Variants in DPP10 observed in about 807,000 individuals in gnomAD.
DPP10 encodes the protein inactive dipeptidyl peptidase 10.
A neutral mutation model predicts 120.9 loss-of-function variants in DPP10; 33 were observed. The ratio of observed to expected loss-of-function variants is 0.27; its 90% CI spans 0.21 to 0.37. The LOEUF (loss-of-function observed/expected upper bound fraction) is 0.37. DPP10 is among the 10% of genes least tolerant of loss of function. The pLI, the probability that DPP10 is intolerant of heterozygous loss-of-function variation, is 1.00. For missense variants in DPP10, 816 were observed against 942.8 expected (o/e 0.87, Z 1.76); for synonymous variants, 337 against 326.1 (o/e 1.03, Z -0.36).
intron 1 of DPP10, among the ~76,000 whole-genome samples, chr2:114,800,763 T>C (rs908755352): frequency 1.3e-5 from 2 of 152,182 alleles, no homozygotes; most frequent in African/African-American, 2.4e-5. Context: ...CAGGTAGTTA[T>C]AGAAACCATC....
intron 1 of DPP10, among the ~76,000 whole-genome samples, chr2:114,638,942 T>A (rs1695501793): frequency 6.6e-6 from 1 of 151,806 alleles, no homozygotes. Context: ...TACCATGGAA[T>A]ACTACACAGC....
intron 21 of DPP10, among the ~76,000 whole-genome samples, chr2:115,828,259 C>T (rs1178026455): frequency 2.0e-5 from 3 of 151,848 alleles, no homozygotes; most frequent in Non-Finnish European, 2.9e-5. Context: ...CTTTTTTCCT[C>T]TGTATACAAC....
chr2:115,240,632 G>A (rs911569817), intron 1 of DPP10, among the ~76,000 whole-genome samples: 11 of 152,032 alleles, frequency 7.2e-5, no homozygotes, highest in Non-Finnish European at 8.8e-5. Flanking sequence ...GCTCTTTAGC[G>A]TCAGCATGAC....
intron 5 of DPP10, among the ~76,000 whole-genome samples, chr2:115,657,586 G>C (rs951639481): frequency 6.6e-6 from 1 of 151,424 alleles, no homozygotes; most frequent in African/African-American, 2.4e-5. Context: ...TTCTTCTAAT[G>C]CTCAACCACC....
intron 1 of DPP10, among the ~76,000 whole-genome samples, chr2:115,059,045 T>C (rs1706178057): frequency 6.6e-6 from 1 of 152,138 alleles, no homozygotes; most frequent in Non-Finnish European, 1.5e-5. Context: ...CGTGTCTATC[T>C]TGGTAATCCT....
intron 1 of DPP10, among the ~76,000 whole-genome samples, chr2:114,905,006 T>G (rs527266800): frequency 1.3e-5 from 2 of 152,184 alleles, no homozygotes; most frequent in South Asian, 2.1e-4. Context: ...GGTTTCTATT[T>G]CTAGATATTT....
chr2:115,025,906 GT>G (rs1198730808), intron 1 of DPP10, among the ~76,000 whole-genome samples: 2 of 151,844 alleles, frequency 1.3e-5, no homozygotes, highest in African/African-American at 4.8e-5. Context: ...AGCTCCTTGT[GT>G]GTTCTGGTTA....
intron 1 of DPP10, among the ~76,000 whole-genome samples, chr2:114,987,842 C>A (rs1475188029): frequency 1.1e-5 from 1 of 92,350 alleles, no homozygotes; most frequent in Non-Finnish European, 2.0e-5. Context: ...CTCGCTCTGT[C>A]GCCCAGGCTG....
chr2:115,143,224 A>G (rs544559336), intron 1 of DPP10, among the ~76,000 whole-genome samples: 1 of 152,284 alleles, frequency 6.6e-6, no homozygotes, highest in South Asian at 2.1e-4. Flanking sequence ...CCCTCGATAA[A>G]GGTCAGAAAC....
At chr2:115,507,446 G>T (rs1044931326) in intron 4 of DPP10, among the ~76,000 whole-genome samples, 2 of 152,160 alleles carry the variant, frequency 1.3e-5, no homozygotes, top group Non-Finnish European at 2.9e-5. Context: ...ATAACATAGG[G>T]TGAGGTCTAG....
At chr2:114,898,067 T>C (rs975436584) in intron 1 of DPP10, among the ~76,000 whole-genome samples, 5 of 152,186 alleles carry the variant, frequency 3.3e-5, no homozygotes, top group Non-Finnish European at 7.3e-5. Context: ...ATTGAGGCAC[T>C]ATTCACAATA....
At chr2:114,829,983 G>T (rs1686942029) in intron 1 of DPP10, among the ~76,000 whole-genome samples, 1 of 151,920 alleles carries the variant, frequency 6.6e-6, no homozygotes, top group Non-Finnish European at 1.5e-5. Context: ...TTTCCTCTAA[G>T]CTCTGCTGCC....
intron 5 of DPP10, among the ~76,000 whole-genome samples, chr2:115,584,991 C>A (rs1166377876): frequency 6.6e-6 from 1 of 152,292 alleles, no homozygotes; most frequent in East Asian, 1.9e-4. Flanking sequence ...AAAACACATA[C>A]CCATTAATTT....
intron 1 of DPP10, among the ~76,000 whole-genome samples, chr2:115,005,648 G>A (rs533263250): frequency 5.3e-5 from 8 of 152,196 alleles, no homozygotes; most frequent in East Asian, 3.9e-4. Context: ...GAAATGAAGC[G>A]AGAAGGAAAG....
intron 1 of DPP10, among the ~76,000 whole-genome samples, chr2:114,822,170 G>GT (rs907884275): frequency 6.6e-6 from 1 of 152,176 alleles, no homozygotes; most frequent in Non-Finnish European, 1.5e-5. Context: ...ACATCCAGAT[G>GT]TTTTTTTACA....
At chr2:115,353,854 C>T (rs568173313) in intron 3 of DPP10, among the ~76,000 whole-genome samples, 4 of 152,118 alleles carry the variant, frequency 2.6e-5, no homozygotes, top group South Asian at 2.1e-4. Flanking sequence ...GTAGAGAAAA[C>T]GTTTCAAGTG....
chr2:115,618,328 T>G (rs1368801261), intron 5 of DPP10, among the ~76,000 whole-genome samples: 1 of 152,214 alleles, frequency 6.6e-6, no homozygotes, highest in African/African-American at 2.4e-5. Flanking sequence ...GAGTGAACTA[T>G]CTTGGTTGCA....
rs182551420 is a variant in DPP10 at position 114,946,609 on chromosome 2, T to G, written c.61-362630T>G. ...TGCAGTGAATTATGTTTTCTGAGTT[T>G]TTGTGTAAAACCAATCTTGAATCCT... On this transcript the variant is annotated intron_variant, in intron 1 of 25. Transcript: ENST00000410059. 5.3e-4 allele frequency among the ~76,000 whole-genome samples: 81 copies of G among 152,284 alleles called. 1 individual carries two copies. The East Asian group carries it at 0.012, about 23-fold the overall frequency.
At chr2:114,815,620 G>A (rs6710009) in intron 1 of DPP10, among the ~76,000 whole-genome samples, 3,066 of 152,284 alleles carry the variant, frequency 0.02, 114 homozygotes, top group African/African-American at 0.07. Context: ...CCTAATGGTT[G>A]ACCTTCTAAC....
Sources: allele counts gnomAD v4.1 joint callset (sites outside exome capture counted in the v4.1 genomes callset), GRCh38; gene constraint gnomAD v4.1.1; transcripts MANE v1.5; gene names NCBI Gene and HGNC (gene_info 2026-07-23, HGNC 2026-07-21).